CHL1: variants seen among roughly 807,000 people sequenced by gnomAD.
CHL1 encodes the protein neural cell adhesion molecule L1-like protein.
CHL1 carries 96 observed loss-of-function variants against 141.9 expected under a neutral mutation model. That is an observed-to-expected ratio of 0.68 (90% CI 0.57 to 0.80). The LOEUF (loss-of-function observed/expected upper bound fraction) is 0.80. Among genes scored for constraint, CHL1 ranks in the 30% least tolerant of loss-of-function variants. CHL1 has a pLI of 0.00. For synonymous variants in CHL1, 613 were observed against 502.2 expected (o/e 1.22, Z -2.95); for missense variants, 1,820 against 1,457.2 (o/e 1.25, Z -4.05).
At chr3:393,842 TTTCATTGA>T (rs1435418782) in intron 23 of CHL1, among the ~76,000 whole-genome samples, 5 of 152,192 alleles carry the variant, frequency 3.3e-5, no homozygotes, top group Non-Finnish European at 7.4e-5. Flanking sequence ...TGTTTTTTCT[TTTCATTGA>T]TTTGAATTGC....
chr3:223,638 G>A (rs1409844142), intron 1 of CHL1, among the ~76,000 whole-genome samples: 3 of 152,214 alleles, frequency 2.0e-5, no homozygotes, highest in African/African-American at 7.2e-5. Context: ...CCCACTGCAT[G>A]GATAGGGCAA....
chr3:272,952 G>T (rs1324720378), intron 2 of CHL1, among the ~76,000 whole-genome samples: 2 of 152,118 alleles, frequency 1.3e-5, no homozygotes, highest in Non-Finnish European at 2.9e-5. Context: ...AGATAATGAA[G>T]GGCCACCTAG....
At chr3:354,186 T>G (rs773096792) in intron 10 of CHL1, among the ~76,000 whole-genome samples, 3 of 152,158 alleles carry the variant, frequency 2.0e-5, no homozygotes, top group Non-Finnish European at 4.4e-5. Context: ...AAAATAAGCA[T>G]TAAATATTTT....
intron 3 of CHL1, among the ~76,000 whole-genome samples, 186 bp from the exon 4 acceptor site, chr3:325,773 C>T (rs1253398294): frequency 1.3e-5 from 2 of 152,062 alleles, no homozygotes; most frequent in South Asian, 2.1e-4. Flanking sequence ...GAAATGATGG[C>T]AGTGAAGTGT....
rs200423114 is a variant in CHL1, at chr3:319,754, G to C, written c.-23G>C. On this transcript the variant is annotated 5_prime_UTR_variant, in exon 3 of 28. Coordinates refer to ENST00000256509, the MANE Select transcript of CHL1 (RefSeq NM_006614.4). Reference sequence around the variant, plus strand: ...GACATTAAGATTTTCATTCTTACCGGGTTGTCTTCTTCCTGAAGAGCAATG... The same window carrying C: ...GACATTAAGATTTTCATTCTTACCGCGTTGTCTTCTTCCTGAAGAGCAATG... The C allele has an allele frequency of 8.7e-6, 13 of 1,491,604 alleles. No individual in the cohort carries two copies. In the African/African-American group the frequency reaches 1.1e-4, roughly 13 times the overall value. The allele number at this position is 1,491,604 out of a possible 1,614,324, so 92.4% of individuals were successfully genotyped here.
At chr3:372,694 A>G (rs953057329) in intron 15 of CHL1, among the ~76,000 whole-genome samples, 3 of 151,164 alleles carry the variant, frequency 2.0e-5, no homozygotes, top group African/African-American at 7.3e-5. Context: ...GGTTTTTAGC[A>G]TTTTTTTTGT....
chr3:235,445 AGAGAG>A (rs1294599430), intron 1 of CHL1, among the ~76,000 whole-genome samples: 2 of 152,168 alleles, frequency 1.3e-5, no homozygotes, highest in African/African-American at 4.8e-5. Flanking sequence ...AAAGCACTTA[AGAGAG>A]TGCCTGGCCT....
intron 1 of CHL1, among the ~76,000 whole-genome samples, chr3:237,835 A>G (rs1341114693): frequency 6.6e-6 from 1 of 152,320 alleles, no homozygotes; most frequent in African/African-American, 2.4e-5. Context: ...TGGAGAGTCA[A>G]TATCTGTGAT....
In CHL1 at chr3:406,148, C is replaced by T. The variant is rs887123978; in HGVS notation, c.*437C>T. ...TCACTACAGGTTAAAAGACCATAAG[C>T]AAACTGGTTATTTAAAATGTAAAAA... On this transcript the variant is annotated 3_prime_UTR_variant, in exon 28 of 28. Transcript: ENST00000256509. 1 of 153,724 alleles carries T rather than the reference C, an allele frequency of 6.5e-6. No individual in the cohort carries two copies. The allele number at this position is 153,724 out of a possible 1,614,324, so 9.5% of individuals were successfully genotyped here. A position where few individuals can be genotyped will look rare whatever the true frequency, so the allele number is the denominator to read the frequency against.
intron 2 of CHL1, among the ~76,000 whole-genome samples, chr3:250,204 A>G (rs1047143000): frequency 2.0e-5 from 3 of 152,044 alleles, no homozygotes; most frequent in Admixed American, 6.6e-5. Context: ...AGCTCAAGCA[A>G]TTCTCCTGCC....
At chr3:328,709 T>A (rs1284653025) in intron 5 of CHL1, among the ~76,000 whole-genome samples, 1 of 152,154 alleles carries the variant, frequency 6.6e-6, no homozygotes, top group African/African-American at 2.4e-5. Context: ...TATTCCCCGA[T>A]AAAGCAATTT....
chr3:382,593 T>C lies in CHL1; in HGVS notation c.2098T>C (p.Phe700Leu). ...LPLAPFVRYQ[F>L]RVIAVNEVGR... ...TTTGGCTCCATTTGTGAGATACCAGTTCAGGGTCATAGCCGTGAACGAAGT... is the reference window on the plus strand; with the variant it reads ...TTTGGCTCCATTTGTGAGATACCAGCTCAGGGTCATAGCCGTGAACGAAGT... The change falls in exon 18 of 28, where the codon TTC (phenylalanine) becomes CTC (leucine). Residue 700 changes from phenylalanine (F) to leucine (L), a missense_variant. Coordinates refer to ENST00000256509, the MANE Select transcript of CHL1 (RefSeq NM_006614.4). The C allele has an allele frequency of 1.9e-6, 3 of 1,613,932 alleles. No homozygotes were observed. The highest frequency in any genetic ancestry group is 1.7e-6 in the Non-Finnish European group (2 of 1,179,912).
Position 382,271 on chromosome 3 carries a change from A to G in CHL1, c.1969A>G (p.Asn657Asp). The change falls in exon 17 of 28, where the codon AAT becomes GAT. Residue 657 changes from asparagine to aspartate, a missense_variant. Asn to Asp is a conservative substitution (Grantham distance 23, BLOSUM62 1). Coordinates refer to ENST00000256509, the MANE Select transcript of CHL1 (RefSeq NM_006614.4). ...TWEAGADHNSNISEYIVEFEG... is the reference protein window; with the variant it reads ...TWEAGADHNSDISEYIVEFEG... ...GGAAGCTGGAGCTGACCACAACAGC[A>G]ATATTAGCGGTAGGAAGACTTGGGA... 6.2e-7 allele frequency: 1 copy of G among 1,613,230 alleles called. No individual in the cohort carries two copies. Among genetic ancestry groups the G allele is most frequent in the Non-Finnish European group, 8.5e-7 (1 of 1,179,272 alleles).
intron 1 of CHL1, among the ~76,000 whole-genome samples, chr3:208,420 T>C (rs1699624930): frequency 6.6e-6 from 1 of 151,218 alleles, no homozygotes; most frequent in Non-Finnish European, 1.5e-5. Flanking sequence ...CAGAAAGGAG[T>C]GTGTCATCAT....
chr3:385,353 A>G (rs759355879), intron 19 of CHL1, among the ~76,000 whole-genome samples: 17 of 152,156 alleles, frequency 1.1e-4, no homozygotes, highest in Admixed American at 2.0e-4. Flanking sequence ...ATAAAGAGAA[A>G]CTGGGAATCT....
At chr3:299,888 A>C (rs1471072015) in intron 2 of CHL1, among the ~76,000 whole-genome samples, 2 of 152,228 alleles carry the variant, frequency 1.3e-5, no homozygotes, top group African/African-American at 4.8e-5. Flanking sequence ...TATCAAAACA[A>C]GGTCACTGCT....
intron 23 of CHL1, among the ~76,000 whole-genome samples, chr3:393,243 A>AAAAAAAAT (rs1708394249): frequency 6.6e-6 from 1 of 151,476 alleles, no homozygotes; most frequent in Non-Finnish European, 1.5e-5. Context: ...AAAAAAAAAA[A>AAAAAAAAT]AAAAGTGTTA....
chr3:294,457 T>G (rs1697999602), intron 2 of CHL1, among the ~76,000 whole-genome samples: 1 of 152,190 alleles, frequency 6.6e-6, no homozygotes, highest in South Asian at 2.1e-4. Flanking sequence ...ATTGTACATG[T>G]TTAAACAAGC....
At chr3:396,403 T>C (rs1366680036) in intron 24 of CHL1, among the ~76,000 whole-genome samples, 2 of 152,200 alleles carry the variant, frequency 1.3e-5, no homozygotes. Context: ...GACCATAATG[T>C]GCATGTGAAA....
Sources: gnomAD v4.1 joint callset for allele counts (sites outside exome capture counted in the v4.1 genomes callset) on GRCh38, gnomAD v4.1.1 for gene constraint, MANE v1.5 for transcripts, NCBI Gene and HGNC (gene_info 2026-07-23, HGNC 2026-07-21) for gene names.